Variants in NF1 observed in about 807,000 individuals in gnomAD.
NF1 encodes the protein neurofibromin 1.
A neutral mutation model predicts 325.7 loss-of-function variants in NF1; 122 were observed. The observed-to-expected ratio is 0.37, with a 90% CI of 0.32 to 0.44. NF1 has a LOEUF of 0.44. Among genes scored for constraint, NF1 ranks in the 20% least tolerant of loss-of-function variants. The pLI is 1.00. For missense variants in NF1, 2,140 were observed against 3,415.4 expected (o/e 0.63, Z 9.31); for synonymous variants, 1,091 against 1,186.0 (o/e 0.92, Z 1.65).
At chr17:31,141,196 T>A (rs774664810) in intron 1 of NF1, among the ~76,000 whole-genome samples, 13 of 152,110 alleles carry the variant, frequency 8.5e-5, no homozygotes, top group Non-Finnish European at 1.8e-4. Flanking sequence ...ATAAATCTCA[T>A]ATACACAGAT....
At chr17:31,142,344 G>T (rs1916278796) in intron 1 of NF1, among the ~76,000 whole-genome samples, 1 of 152,100 alleles carries the variant, frequency 6.6e-6, no homozygotes. Context: ...TGAAAGTAAT[G>T]TATCTAACTG....
chr17:31,122,052 G>T (rs543778292), intron 1 of NF1, among the ~76,000 whole-genome samples: 2 of 152,328 alleles, frequency 1.3e-5, no homozygotes, highest in African/African-American at 4.8e-5. Context: ...TCAGGGAGCT[G>T]TTGAAGAGTA....
chr17:31,214,621 A>C, intron 13 of NF1, 36 bp downstream of exon 13: 4 of 1,605,688 alleles, frequency 2.5e-6, no homozygotes, highest in Non-Finnish European at 3.4e-6. Flanking sequence ...CAAAATTATC[A>C]CACTAAGTTA....
At position 31,374,261 on chromosome 17, in the gene NF1, G is replaced by A; in HGVS notation, c.*106G>A. On this transcript the variant is annotated 3_prime_UTR_variant, in exon 58 of 58. Coordinates refer to ENST00000358273, the MANE Select transcript of NF1 (RefSeq NM_001042492.3). The stretch of plus-strand genomic sequence containing the variant: ...CCCATGTTGTAATGCTGCACTTCCT[G>A]TTTTATAATGAACCCATCCGGTTTG... 6.9e-7 allele frequency: 1 copy of A among 1,450,344 alleles called. No homozygotes were observed. The highest frequency in any genetic ancestry group is 9.6e-7 in the Non-Finnish European group (1 of 1,038,148). The allele number at this position is 1,450,344 out of a possible 1,614,324, so 89.8% of individuals were successfully genotyped here.
rs2151550732 is a variant in NF1, at chr17:31,335,013, A to T, written c.5988A>T (p.Ile1996=). 1 of 1,612,984 alleles carries T rather than the reference A, an allele frequency of 6.2e-7. No individual in the cohort carries two copies. The highest frequency in any genetic ancestry group is 8.5e-7 in the Non-Finnish European group (1 of 1,179,798). ...TGTACCCATCTATTCAAGCAAAAAT[A>T]TGGGGAAGCCTTGGGCAGGTATTGA... ...KQMYPSIQAK[I]WGSLGQITDL... is the part of the protein sequence containing the mutation. Residue 1996 remains isoleucine (I), a synonymous_variant, in exon 40 of 58, where the codon ATA becomes ATT. Coordinates refer to ENST00000358273, the MANE Select transcript of NF1 (RefSeq NM_001042492.3).
At chr17:31,173,391 C>G (rs2065964508) in intron 5 of NF1, among the ~76,000 whole-genome samples, 1 of 151,978 alleles carries the variant, frequency 6.6e-6, no homozygotes, top group African/African-American at 2.4e-5. Flanking sequence ...GCCTGGGCAA[C>G]AGAGTGATAC....
At chr17:31,281,167 T>G (rs191907668) in intron 36 of NF1, among the ~76,000 whole-genome samples, 1 of 152,218 alleles carries the variant, frequency 6.6e-6, no homozygotes, top group Non-Finnish European at 1.5e-5. Context: ...GAAAGTCATT[T>G]TGGTAAGAGG....
chr17:31,096,867 A>C (rs1911771264), intron 1 of NF1, among the ~76,000 whole-genome samples: 1 of 152,228 alleles, frequency 6.6e-6, no homozygotes, highest in Admixed American at 6.5e-5. Flanking sequence ...ATCCATCTGA[A>C]GTATAATGTT....
intron 5 of NF1, among the ~76,000 whole-genome samples, chr17:31,174,728 A>G (rs1280430173): frequency 2.0e-5 from 3 of 152,212 alleles, no homozygotes; most frequent in Non-Finnish European, 4.4e-5. Context: ...CTCTGAAAAC[A>G]TTAAGATTCA....
rs1597719654 is a variant in NF1 at position 31,232,849 on chromosome 17, C to A, written c.3464C>A (p.Ala1155Asp). 6.2e-7 allele frequency: 1 copy of A among 1,613,836 alleles called. No homozygotes were observed. The highest frequency in any genetic ancestry group is 8.5e-7 in the Non-Finnish European group (1 of 1,179,934). ...TVLAMSNLLN[A>D]NVDSGLMHSI... is the part of the protein sequence containing the mutation. The stretch of plus-strand genomic sequence containing the variant: ...CTTGCAATGTCAAACTTACTCAATG[C>A]CAACGTAGACAGTGGTCTCATGCAC... Residue 1155 changes from alanine (A) to aspartate (D), a missense_variant, in exon 26 of 58, where the codon GCC (alanine) becomes GAC (aspartate). Physicochemically the swap from Ala to Asp is moderately radical, Grantham distance 126. This residue lies in a region of NF1 where 380 missense variants were observed against 639.3 expected (regional missense o/e 0.59). Coordinates refer to ENST00000358273, the MANE Select transcript of NF1 (RefSeq NM_001042492.3).
intron 1 of NF1, chr17:31,138,106 G>A (rs917710769): frequency 3.9e-5 from 6 of 151,948 alleles, no homozygotes; most frequent in South Asian, 2.1e-4. Context: ...CTCTGGCAAC[G>A]TCTTCCTATC....
At chr17:31,202,805 A>G (rs1332547920) in intron 11 of NF1, among the ~76,000 whole-genome samples, 1 of 152,220 alleles carries the variant, frequency 6.6e-6, no homozygotes, top group Non-Finnish European at 1.5e-5. Flanking sequence ...AAAACTTAAA[A>G]AAAATCACTG....
At chr17:31,310,637 C>CT (rs201038932) in intron 36 of NF1, among the ~76,000 whole-genome samples, 4 of 151,144 alleles carry the variant, frequency 2.6e-5, no homozygotes, top group East Asian at 1.9e-4. Context: ...CATCCTCTCC[C>CT]TTTTTTTTTC....
At position 31,201,022 on chromosome 17, in the gene NF1, T is replaced by C. The variant is rs1293182487; in HGVS notation, c.1063-15T>C. ...GGTATTTAAAGGCTTTTGTTTTCTG[T>C]TGGGGTTTTTATAGAACCTGCTTTT... On this transcript the variant is annotated splice_polypyrimidine_tract_variant and intron_variant, in intron 9 of 57. Coordinates refer to ENST00000358273, the MANE Select transcript of NF1 (RefSeq NM_001042492.3). 1.9e-6 allele frequency: 3 copies of C among 1,612,860 alleles called. No homozygotes were observed. The highest frequency in any genetic ancestry group is 4.5e-5 in the East Asian group (2 of 44,858).
chr17:31,311,745 C>CTA (rs2068882176), intron 36 of NF1, among the ~76,000 whole-genome samples: 1 of 152,176 alleles, frequency 6.6e-6, no homozygotes, highest in Non-Finnish European at 1.5e-5. Flanking sequence ...TATCACAGCT[C>CTA]TAAGTAGTGG....
chr17:31,101,456 G>T (rs184755566), intron 1 of NF1, among the ~76,000 whole-genome samples: 1 of 152,242 alleles, frequency 6.6e-6, no homozygotes, highest in African/African-American at 2.4e-5. Context: ...AATATTCGAT[G>T]ATTTTAATAT....
At chr17:31,324,505 C>T (rs974981516) in intron 36 of NF1, among the ~76,000 whole-genome samples, 31 of 152,320 alleles carry the variant, frequency 2.0e-4, no homozygotes, top group Admixed American at 1.6e-3. Context: ...AACTAGTCAC[C>T]TTACTATGAA....
Position 31,334,814 on chromosome 17 carries a change from T to C in NF1, c.5813-24T>C, listed in dbSNP as rs372544587. Reference sequence around the variant, plus strand: ...GATGTGATTTTCATTGACCATCACATGCTAATAGTGTATTTTTTTCCAGGT... The same window carrying C: ...GATGTGATTTTCATTGACCATCACACGCTAATAGTGTATTTTTTTCCAGGT... On this transcript the variant is annotated intron_variant, in intron 39 of 57. Coordinates refer to ENST00000358273, the MANE Select transcript of NF1 (RefSeq NM_001042492.3). The C allele has an allele frequency of 2.8e-5, 44 of 1,565,620 alleles. No homozygotes were observed. In the African/African-American group the frequency reaches 5.9e-4, roughly 21 times the overall value.
intron 1 of NF1, among the ~76,000 whole-genome samples, chr17:31,119,781 T>A (rs2143374747): frequency 6.6e-6 from 1 of 152,340 alleles, no homozygotes; most frequent in South Asian, 2.1e-4. Flanking sequence ...TGAGTTAATT[T>A]TTGTATAAGG....
Sources: gnomAD v4.1 joint callset for allele counts (sites outside exome capture counted in the v4.1 genomes callset) on GRCh38, gnomAD v4.1.1 for gene constraint, gnomAD v4.1.1 regional missense constraint, MANE v1.5 for transcripts, NCBI Gene and HGNC (gene_info 2026-07-23, HGNC 2026-07-21) for gene names.